WWOX: variants seen among roughly 807,000 people sequenced by gnomAD.
The protein encoded by WWOX is WW domain-containing oxidoreductase.
A neutral mutation model predicts 46.2 loss-of-function variants in WWOX; 69 were observed. The ratio of observed to expected loss-of-function variants is 1.49; its 90% CI spans 1.23 to 1.82. The LOEUF is 1.82. Ranked by LOEUF, WWOX falls within the 40% of genes most tolerant of loss-of-function variation. The pLI, the probability that WWOX is intolerant of heterozygous loss-of-function variation, is 0.00. For missense variants in WWOX, 919 were observed against 542.6 expected, an observed-to-expected ratio of 1.69 and a Z score of -6.89; for synonymous variants, 359 against 202.6, an observed-to-expected ratio of 1.77 and a Z score of -6.56.
intron 5 of WWOX, among the ~76,000 whole-genome samples, chr16:78,186,758 C>G (rs2035719620): frequency 6.6e-6 from 1 of 152,162 alleles, no homozygotes; most frequent in African/African-American, 2.4e-5. Context: ...AAGTGAGACC[C>G]TGTCTCAAAA....
intron 8 of WWOX, among the ~76,000 whole-genome samples, chr16:79,100,552 T>C (rs2049171244): frequency 6.6e-6 from 1 of 152,208 alleles, no homozygotes; most frequent in Non-Finnish European, 1.5e-5. Context: ...TGTGCTTTGA[T>C]GGCTCTGCAC....
At chr16:78,856,101 C>T (rs1245598686) in intron 8 of WWOX, among the ~76,000 whole-genome samples, 1 of 152,184 alleles carries the variant, frequency 6.6e-6, no homozygotes, top group Non-Finnish European at 1.5e-5. Context: ...GAGGATGTTT[C>T]TGGCAGAGGG....
At chr16:78,824,379 T>C (rs1371504206) in intron 8 of WWOX, among the ~76,000 whole-genome samples, 1 of 152,212 alleles carries the variant, frequency 6.6e-6, no homozygotes, top group Non-Finnish European at 1.5e-5. Flanking sequence ...TCATTGACTC[T>C]ACAACTCTGT....
intron 8 of WWOX, among the ~76,000 whole-genome samples, chr16:78,574,554 A>G (rs1262352425): frequency 1.3e-5 from 2 of 152,182 alleles, no homozygotes; most frequent in Non-Finnish European, 2.9e-5. Flanking sequence ...ATCTGCCTTC[A>G]AAGACTACTA....
chr16:78,146,761 G>A (rs1195250044), intron 4 of WWOX, among the ~76,000 whole-genome samples: 1 of 152,140 alleles, frequency 6.6e-6, no homozygotes, highest in Non-Finnish European at 1.5e-5. Flanking sequence ...GGGAACCTGG[G>A]TGCTGTAATC....
intron 8 of WWOX, among the ~76,000 whole-genome samples, chr16:79,129,322 A>G (rs1020423037): frequency 6.7e-6 from 1 of 149,934 alleles, no homozygotes; most frequent in South Asian, 2.2e-4. Context: ...ACACTTCCTG[A>G]TATGTTCGTT....
intron 8 of WWOX, among the ~76,000 whole-genome samples, chr16:79,069,909 C>G (rs936333335): frequency 6.6e-6 from 1 of 152,144 alleles, no homozygotes; most frequent in Non-Finnish European, 1.5e-5. Context: ...TTTTTTCCCC[C>G]TCTATGACCA....
chr16:78,454,906 G>T (rs891854688), intron 8 of WWOX, among the ~76,000 whole-genome samples: 2 of 152,228 alleles, frequency 1.3e-5, no homozygotes, highest in African/African-American at 4.8e-5. Flanking sequence ...ATCACAGTCT[G>T]TTCTTTGGCA....
intron 8 of WWOX, among the ~76,000 whole-genome samples, chr16:78,493,092 C>T (rs1029581978): frequency 3.9e-5 from 6 of 152,188 alleles, no homozygotes; most frequent in African/African-American, 9.6e-5. Context: ...GCACACAACT[C>T]GGGGAATTTT....
chr16:79,034,159 C>T (rs2047820662), intron 8 of WWOX, among the ~76,000 whole-genome samples: 2 of 152,156 alleles, frequency 1.3e-5, no homozygotes, highest in Non-Finnish European at 2.9e-5. Flanking sequence ...CTGTTTTCTT[C>T]TCCATCTATA....
chr16:78,710,026 C>T (rs1304057355), intron 8 of WWOX, among the ~76,000 whole-genome samples: 3 of 152,108 alleles, frequency 2.0e-5, no homozygotes, highest in African/African-American at 2.4e-5. Flanking sequence ...CCACCGCCCC[C>T]GGCCGATAGT....
chr16:78,554,950 C>G (rs1332653297), intron 8 of WWOX, among the ~76,000 whole-genome samples: 1 of 152,072 alleles, frequency 6.6e-6, no homozygotes, highest in Non-Finnish European at 1.5e-5. Flanking sequence ...GCGGCCTGTT[C>G]TCCCACAAAG....
intron 8 of WWOX, among the ~76,000 whole-genome samples, chr16:78,652,193 C>T (rs180680410): frequency 6.6e-6 from 1 of 152,014 alleles, no homozygotes; most frequent in Non-Finnish European, 1.5e-5. Context: ...GGGCAGATCA[C>T]GAGGTCAAGA....
At chr16:79,044,374 C>A (rs1044982620) in intron 8 of WWOX, among the ~76,000 whole-genome samples, 5 of 152,134 alleles carry the variant, frequency 3.3e-5, no homozygotes, top group African/African-American at 1.2e-4. Context: ...GTGATTGGGT[C>A]ATGGGGGTGG....
chr16:78,893,515 C>A (rs2044636038), intron 8 of WWOX, among the ~76,000 whole-genome samples: 1 of 152,196 alleles, frequency 6.6e-6, no homozygotes, highest in Non-Finnish European at 1.5e-5. Context: ...GAGGTCACTG[C>A]CTAAGACACT....
intron 8 of WWOX, among the ~76,000 whole-genome samples, chr16:78,866,136 G>A (rs369226938): frequency 6.6e-6 from 1 of 152,130 alleles, no homozygotes; most frequent in Non-Finnish European, 1.5e-5. Context: ...CCATAACATA[G>A]ATTTCCCATC....
chr16:79,208,157 A>AGATT (rs1260078900), intron 8 of WWOX, among the ~76,000 whole-genome samples: 3 of 152,218 alleles, frequency 2.0e-5, no homozygotes, highest in Admixed American at 6.5e-5. Flanking sequence ...TATACTCTCA[A>AGATT]GATTGATTGC....
intron 8 of WWOX, among the ~76,000 whole-genome samples, chr16:78,882,608 CTCCCGAGTAGCT>C (rs1213667515): frequency 9.4e-6 from 1 of 106,390 alleles, no homozygotes; most frequent in African/African-American, 3.8e-5. Flanking sequence ...CCCGAGTAGC[CTCCCGAGTAGCT>C]GGGATTACAG....
chr16:78,140,559 C>T (rs1040055990), intron 4 of WWOX, among the ~76,000 whole-genome samples: 1 of 151,950 alleles, frequency 6.6e-6, no homozygotes, highest in African/African-American at 2.4e-5. Flanking sequence ...CCTAGATGTT[C>T]ATTGGCCTGT....
Sources: allele counts gnomAD v4.1 joint callset (sites outside exome capture counted in the v4.1 genomes callset), GRCh38; gene constraint gnomAD v4.1.1; transcripts MANE v1.5; gene names NCBI Gene and HGNC (gene_info 2026-07-23, HGNC 2026-07-21).